The following SGCZ variants were observed in gnomAD, a reference collection of about 807,000 sequenced individuals.
SGCZ encodes zeta-sarcoglycan.
In SGCZ, 40 loss-of-function variants were observed where a neutral mutation model predicts 41.3. That is an observed-to-expected ratio of 0.97 (90% CI 0.75 to 1.26). SGCZ has a LOEUF of 1.26. Among genes scored for constraint, SGCZ ranks in the 50% most tolerant of loss-of-function variants. SGCZ has a pLI of 0.00. For missense variants in SGCZ, 552 were observed against 369.8 expected (o/e 1.49, Z -4.04); for synonymous variants, 206 against 137.5 (o/e 1.50, Z -3.49).
At chr8:14,438,574 G>A (rs925994483) in intron 2 of SGCZ, among the ~76,000 whole-genome samples, 1 of 151,906 alleles carries the variant, frequency 6.6e-6, no homozygotes, top group African/African-American at 2.4e-5. Context: ...CATAAAAAGT[G>A]TTCCTAGAGG....
intron 2 of SGCZ, among the ~76,000 whole-genome samples, chr8:14,529,430 A>G (rs997365574): frequency 3.3e-5 from 5 of 152,126 alleles, no homozygotes; most frequent in Admixed American, 2.0e-4. Flanking sequence ...AATGTGCCAC[A>G]TTGTTTAGCA....
chr8:14,890,418 G>T (rs1405311062), intron 1 of SGCZ, among the ~76,000 whole-genome samples: 1 of 152,174 alleles, frequency 6.6e-6, no homozygotes, highest in African/African-American at 2.4e-5. Context: ...TGGTCTAGAT[G>T]GATGAAATCA....
chr8:14,226,550 G>A (rs1420832274), intron 4 of SGCZ, among the ~76,000 whole-genome samples: 1 of 152,068 alleles, frequency 6.6e-6, no homozygotes, highest in Non-Finnish European at 1.5e-5. Context: ...TTAAAAAATT[G>A]TTGAATACCA....
intron 1 of SGCZ, among the ~76,000 whole-genome samples, chr8:15,090,906 G>A (rs567451342): frequency 6.6e-6 from 1 of 152,120 alleles, no homozygotes; most frequent in Admixed American, 6.6e-5. Flanking sequence ...AATACAATCT[G>A]TGCATCTTTC....
intron 1 of SGCZ, among the ~76,000 whole-genome samples, chr8:14,599,745 T>G (rs1805527783): frequency 1.3e-5 from 2 of 152,226 alleles, no homozygotes; most frequent in African/African-American, 4.8e-5. Flanking sequence ...TTCTTTTTAC[T>G]AAAGCTCTGA....
intron 1 of SGCZ, among the ~76,000 whole-genome samples, chr8:14,809,721 G>A (rs1170710345): frequency 6.6e-6 from 1 of 152,100 alleles, no homozygotes; most frequent in African/African-American, 2.4e-5. Flanking sequence ...ATCCAAAGAA[G>A]TGACCGCAGT....
At chr8:14,837,324 A>C (rs950955518) in intron 1 of SGCZ, among the ~76,000 whole-genome samples, 7 of 152,254 alleles carry the variant, frequency 4.6e-5, no homozygotes, top group Non-Finnish European at 7.3e-5. Context: ...AAGGTGTACC[A>C]GGCAAAGGGA....
At chr8:15,073,969 T>C (rs952606222) in intron 1 of SGCZ, among the ~76,000 whole-genome samples, 4 of 152,218 alleles carry the variant, frequency 2.6e-5, no homozygotes, top group African/African-American at 9.6e-5. Context: ...ATTTAGTTTC[T>C]AGTTTAACTT....
intron 1 of SGCZ, among the ~76,000 whole-genome samples, chr8:14,871,326 G>A (rs114439135): frequency 0.023 from 3,572 of 152,224 alleles, 52 homozygotes; most frequent in Middle Eastern, 0.048. Flanking sequence ...AGACAGTTTT[G>A]TGACTCCTCA....
chr8:14,199,892 A>G (rs1007247376), intron 4 of SGCZ, among the ~76,000 whole-genome samples: 16 of 152,218 alleles, frequency 1.1e-4, no homozygotes, highest in Non-Finnish European at 8.8e-5. Flanking sequence ...ATACAATTCT[A>G]AAGAAGGAAA....
In SGCZ at chr8:15,127,152, G is replaced by C. The variant is rs570720737; in HGVS notation, c.39+110433C>G. On this transcript the variant is annotated intron_variant, in intron 1 of 7. Coordinates refer to ENST00000382080, the MANE Select transcript of SGCZ (RefSeq NM_139167.4). The stretch of plus-strand genomic sequence containing the variant: ...TGAGACACCATTTTTAAGAACTATA[G>C]GGTAGTCAAAGAGGTACAGGCTACA... Among the ~76,000 whole-genome samples, 79 of 152,020 alleles carry C rather than the reference G, an allele frequency of 5.2e-4. 1 individual carries two copies. The South Asian group carries it at 0.015, about 30-fold the overall frequency.
At chr8:15,186,705 G>T (rs550827452) in intron 1 of SGCZ, among the ~76,000 whole-genome samples, 3 of 152,220 alleles carry the variant, frequency 2.0e-5, no homozygotes, top group Admixed American at 6.5e-5. Flanking sequence ...AGTGCATGAA[G>T]GGGTGTTTTA....
At chr8:15,064,261 G>A (rs1805041295) in intron 1 of SGCZ, among the ~76,000 whole-genome samples, 2 of 152,078 alleles carry the variant, frequency 1.3e-5, no homozygotes, top group African/African-American at 4.8e-5. Context: ...AACATATGAA[G>A]CAGAATTCAT....
chr8:14,176,480 G>A (rs1258807163), intron 4 of SGCZ, among the ~76,000 whole-genome samples: 1 of 152,118 alleles, frequency 6.6e-6, no homozygotes, highest in Non-Finnish European at 1.5e-5. Flanking sequence ...GTCAAAACTT[G>A]GGAAATATTA....
At chr8:14,366,415 G>T (rs970063625) in intron 2 of SGCZ, among the ~76,000 whole-genome samples, 1 of 152,062 alleles carries the variant, frequency 6.6e-6, no homozygotes, top group Non-Finnish European at 1.5e-5. Context: ...AGAACAGCAT[G>T]GGGGAAACCA....
At chr8:14,717,333 G>C (rs190913880) in intron 1 of SGCZ, among the ~76,000 whole-genome samples, 22 of 152,166 alleles carry the variant, frequency 1.4e-4, no homozygotes, top group Non-Finnish European at 7.4e-5. Flanking sequence ...GAAGCCATAA[G>C]TAAAATATAT....
At chr8:14,792,621 G>GT (rs1332290611) in intron 1 of SGCZ, among the ~76,000 whole-genome samples, 1 of 151,884 alleles carries the variant, frequency 6.6e-6, no homozygotes, top group African/African-American at 2.4e-5. Context: ...CAATGTGCAG[G>GT]TTTGTTGCAT....
intron 1 of SGCZ, among the ~76,000 whole-genome samples, chr8:14,727,627 G>C (rs34706549): frequency 0.3 from 44,869 of 150,850 alleles, 7,091 homozygotes; most frequent in East Asian, 0.42. Context: ...TCTCCTGCCT[G>C]AGCCTCCCGA....
intron 2 of SGCZ, among the ~76,000 whole-genome samples, chr8:14,325,553 T>C (rs1802064860): frequency 6.8e-6 from 1 of 147,568 alleles, no homozygotes; most frequent in African/African-American, 2.5e-5. Context: ...TAATAGATTA[T>C]ATATAATCAT....
Sources: allele counts gnomAD v4.1 joint callset (sites outside exome capture counted in the v4.1 genomes callset), GRCh38; gene constraint gnomAD v4.1.1; transcripts MANE v1.5; gene names NCBI Gene and HGNC (gene_info 2026-07-23, HGNC 2026-07-21).